Variants in SRPX observed in about 807,000 individuals in gnomAD.
The protein encoded by SRPX is sushi repeat-containing protein SRPX.
Under a neutral mutation model 38.1 loss-of-function variants are expected in SRPX, and 24 were observed. That is an observed-to-expected ratio of 0.63 (90% CI 0.46 to 0.89). SRPX has a LOEUF of 0.89. Among genes scored for constraint, SRPX ranks in the 40% least tolerant of loss-of-function variants. The probability of loss-of-function intolerance (pLI) is 0.00; values close to 1 mark genes in which losing one functional copy is unlikely to be tolerated. For missense variants in SRPX, 416 were observed against 377.8 expected, an observed-to-expected ratio of 1.10 and a Z score of -0.84; for synonymous variants, 184 against 153.8, an observed-to-expected ratio of 1.20 and a Z score of -1.45.
intron 5 of SRPX, among the ~76,000 whole-genome samples, chrX:38,162,417 C>A (rs1401405887): frequency 8.9e-6 from 1 of 112,292 alleles, no homozygotes; most frequent in Non-Finnish European, 1.9e-5. Context: ...GCATTCCCAC[C>A]ACATCCTGCT....
chrX:38,213,120 A>G (rs1330286592), intron 1 of SRPX, among the ~76,000 whole-genome samples: 2 of 90,936 alleles, frequency 2.2e-5, no homozygotes, highest in African/African-American at 3.5e-5. Context: ...ACACAAAATG[A>G]TAAATACTGT....
At chrX:38,216,092 A>C in intron 1 of SRPX, among the ~76,000 whole-genome samples, 1 of 111,989 alleles carries the variant, frequency 8.9e-6, no homozygotes, top group Non-Finnish European at 1.9e-5. Flanking sequence ...CCAATTTCAA[A>C]ACATTCTTAG....
intron 1 of SRPX, among the ~76,000 whole-genome samples, chrX:38,180,793 A>G (rs1250385348): frequency 8.9e-6 from 1 of 112,520 alleles, no homozygotes; most frequent in African/African-American, 3.2e-5. Context: ...TCATAACATA[A>G]TAATGTTCAT....
At chrX:38,193,265 C>T (rs1490932827) in intron 1 of SRPX, among the ~76,000 whole-genome samples, 2 of 111,901 alleles carry the variant, frequency 1.8e-5, no homozygotes, top group Non-Finnish European at 3.8e-5. Context: ...GAAATGCAAA[C>T]ACACTATTTT....
At chrX:38,215,062 G>A (rs1475833979) in intron 1 of SRPX, among the ~76,000 whole-genome samples, 1 of 111,996 alleles carries the variant, frequency 8.9e-6, no homozygotes, top group Non-Finnish European at 1.9e-5. Flanking sequence ...GTAAGAGTGG[G>A]ACAGAAGAAA....
chrX:38,158,363 C>T (rs1490759622), intron 7 of SRPX, among the ~76,000 whole-genome samples: 1 of 112,034 alleles, frequency 8.9e-6, no homozygotes, highest in Admixed American at 9.4e-5. Context: ...AAGGCTTAGC[C>T]CCAGAGAAGA....
chrX:38,174,232 A>G lies in SRPX; in HGVS notation c.277T>C (p.Tyr93His). The G allele has an allele frequency of 8.6e-7, 1 of 1,162,116 alleles. No individual in the cohort carries two copies. Among genetic ancestry groups the G allele is most frequent in the Non-Finnish European group, 1.1e-6 (1 of 872,646 alleles). The change falls in exon 3 of 10, where the codon TAC becomes CAC. Residue 93 changes from tyrosine to histidine, a missense_variant. Tyr to His is a moderately conservative substitution (Grantham distance 83, BLOSUM62 2). Transcript: ENST00000378533. ...AGTAGGGAAGAGCCATGCAGCTCGT[A>G]GCCCTTCTGGCAGCGAATGTCGCAC... ...TRCDIRCQKG[Y>H]ELHGSSLLIC...
chrX:38,210,795 T>C (rs1939305322), intron 1 of SRPX, among the ~76,000 whole-genome samples: 1 of 112,465 alleles, frequency 8.9e-6, no homozygotes. Context: ...CATGCTGGCC[T>C]GGACCTCCAA....
intron 4 of SRPX, among the ~76,000 whole-genome samples, chrX:38,168,316 A>C (rs1453179639): frequency 9.0e-6 from 1 of 111,637 alleles, no homozygotes; most frequent in Non-Finnish European, 1.9e-5. Flanking sequence ...CCATGTAATC[A>C]GGATGAGAAA....
chrX:38,169,781 G>C (rs1462158223), intron 4 of SRPX, among the ~76,000 whole-genome samples: 1 of 112,061 alleles, frequency 8.9e-6, no homozygotes, highest in Admixed American at 9.5e-5. Context: ...GAGAGATCAT[G>C]TGTCTACTCA....
intron 1 of SRPX, among the ~76,000 whole-genome samples, chrX:38,201,597 C>T (rs768039747): frequency 1.8e-5 from 2 of 111,289 alleles, no homozygotes; most frequent in Non-Finnish European, 3.8e-5. Flanking sequence ...TTTGGGAGGC[C>T]GAGGTGGGCA....
intron 4 of SRPX, 100 bp downstream of exon 4, chrX:38,171,781 T>C: frequency 2.2e-6 from 2 of 903,825 alleles, no homozygotes; most frequent in Non-Finnish European, 3.1e-6. Context: ...TGCTTAGGCC[T>C]TACAGGAGGA....
Position 38,171,935 on chromosome X carries a change from T to C in SRPX, c.472A>G (p.Thr158Ala), listed in dbSNP as rs746187977. The C allele has an allele frequency of 8.3e-7, 1 of 1,211,748 alleles. No homozygotes were observed. Among genetic ancestry groups the C allele is most frequent in the East Asian group, 3.0e-5 (1 of 33,853 alleles). ...GCCTTGTTGTCCATACATGTGACGG[T>C]CCGCTCCCCTTTCAACGTGTATCCT... ...SPGYTLKGER[T>A]VTCMDNKAWS... Residue 158 changes from threonine (T) to alanine (A), a missense_variant, in exon 4 of 10, where the codon ACC becomes GCC. Physicochemically the swap from Thr to Ala is moderately conservative, Grantham distance 58 (BLOSUM62 0). Transcript: ENST00000378533.
At chrX:38,184,705 T>C (rs774552120) in intron 1 of SRPX, among the ~76,000 whole-genome samples, 83 of 112,433 alleles carry the variant, frequency 7.4e-4, no homozygotes, top group Middle Eastern at 4.6e-3. Context: ...TTGTTAAGCA[T>C]GTTAGAATAT....
At chrX:38,213,767 G>A (rs779525889) in intron 1 of SRPX, among the ~76,000 whole-genome samples, 44 of 112,103 alleles carry the variant, frequency 3.9e-4, no homozygotes, top group Non-Finnish European at 7.7e-4. Flanking sequence ...TTGCAATCAA[G>A]GCAGAAGGCG....
intron 4 of SRPX, among the ~76,000 whole-genome samples, chrX:38,169,096 G>T (rs965128205): frequency 8.9e-6 from 1 of 112,500 alleles, no homozygotes; most frequent in Admixed American, 9.4e-5. Flanking sequence ...ACTAAAAGTT[G>T]ACCTGTTCTG....
intron 8 of SRPX, among the ~76,000 whole-genome samples, chrX:38,155,203 G>A (rs1938112189): frequency 9.0e-6 from 1 of 111,680 alleles, no homozygotes; most frequent in Non-Finnish European, 1.9e-5. Context: ...CTTGAAAGAC[G>A]AAAACATCAA....
intron 1 of SRPX, among the ~76,000 whole-genome samples, chrX:38,196,146 T>A (rs1482755711): frequency 8.9e-6 from 1 of 112,078 alleles, no homozygotes; most frequent in Non-Finnish European, 1.9e-5. Flanking sequence ...TTTAGAATAG[T>A]GACAATTTGG....
At chrX:38,211,832 A>G (rs900449420) in intron 1 of SRPX, among the ~76,000 whole-genome samples, 2 of 111,711 alleles carry the variant, frequency 1.8e-5, no homozygotes, top group African/African-American at 6.5e-5. Flanking sequence ...GACATCCCCA[A>G]TTCATGGAGC....
Sources: allele counts gnomAD v4.1 joint callset (sites outside exome capture counted in the v4.1 genomes callset), GRCh38; gene constraint gnomAD v4.1.1; transcripts MANE v1.5; gene names NCBI Gene and HGNC (gene_info 2026-07-23, HGNC 2026-07-21).